The following GLI3 variants were observed in gnomAD, a reference collection of about 807,000 sequenced individuals.
GLI3 encodes the protein GLI family zinc finger 3.
GLI3 carries 20 observed loss-of-function variants against 100.8 expected under a neutral mutation model. The ratio of observed to expected loss-of-function variants is 0.20; its 90% CI spans 0.14 to 0.29. The LOEUF (loss-of-function observed/expected upper bound fraction) is 0.29, where lower values mean the gene tolerates loss of function less well. Among genes scored for constraint, GLI3 ranks in the 10% least tolerant of loss-of-function variants. The probability of loss-of-function intolerance (pLI) is 1.00; values close to 1 mark genes in which losing one functional copy is unlikely to be tolerated. For synonymous variants in GLI3, 938 were observed against 860.5 expected (o/e 1.09, Z -1.58); for missense variants, 2,040 against 2,128.5 (o/e 0.96, Z 0.82).
intron 3 of GLI3, chr7:42,118,410 G>A (rs28393797): frequency 0.064 from 25,485 of 397,836 alleles, 2,128 homozygotes; most frequent in African/African-American, 0.27. Context: ...CTAGAAAGTG[G>A]CAGTGCCATG....
At chr7:42,154,134 A>G (rs1786944641) in intron 2 of GLI3, among the ~76,000 whole-genome samples, 1 of 152,192 alleles carries the variant, frequency 6.6e-6, no homozygotes, top group Admixed American at 6.5e-5. Flanking sequence ...TATGCACAGA[A>G]AATTTCAAAA....
chr7:42,201,548 C>A (rs1310420472), intron 2 of GLI3, among the ~76,000 whole-genome samples: 1 of 152,128 alleles, frequency 6.6e-6, no homozygotes, highest in Non-Finnish European at 1.5e-5. Flanking sequence ...TACTGTCATG[C>A]AAGGATGGGA....
upstream of GLI3, among the ~76,000 whole-genome samples, chr7:42,238,620 T>G (rs1376460553): frequency 6.6e-6 from 1 of 152,238 alleles, no homozygotes; most frequent in African/African-American, 2.4e-5. Context: ...AGCTACAAAG[T>G]GTCTCTGTCC....
At chr7:42,046,920 T>C (rs1389551287) in intron 5 of GLI3, among the ~76,000 whole-genome samples, 2 of 151,696 alleles carry the variant, frequency 1.3e-5, no homozygotes, top group East Asian at 1.9e-4. Context: ...CTTTGGGAGG[T>C]AGAGGTGGGT....
intron 3 of GLI3, among the ~76,000 whole-genome samples, chr7:42,084,117 C>A (rs1451874933): frequency 6.6e-6 from 1 of 152,168 alleles, no homozygotes. Flanking sequence ...TTTATCATTT[C>A]TTTTGTGTAA....
At chr7:42,081,704 A>C (rs1281908594) in intron 3 of GLI3, among the ~76,000 whole-genome samples, 1 of 152,198 alleles carries the variant, frequency 6.6e-6, no homozygotes, top group African/African-American at 2.4e-5. Context: ...TCCTCAGGCT[A>C]TAAGATCTCT....
At position 42,048,386 on chromosome 7, in the gene GLI3, A is replaced by G. The variant is rs923502649; in HGVS notation, c.679+105T>C. On this transcript the variant is annotated intron_variant, in intron 5 of 14. Transcript: ENST00000395925. ...AGGCACAGAGCACAGCGCCTGGCAC[A>G]TGGGAAACACTCACTAAACATCAGG... The G allele has an allele frequency of 5.2e-5, 43 of 832,852 alleles. No homozygotes were observed. In the East Asian group the frequency reaches 1.0e-3, roughly 20 times the overall value. The allele number at this position is 832,852 out of a possible 1,614,324, so 51.6% of individuals were successfully genotyped here.
At chr7:42,045,564 G>C in intron 5 of GLI3, 34 bp from the exon 6 acceptor site, 3 of 1,608,800 alleles carry the variant, frequency 1.9e-6, no homozygotes, top group Middle Eastern at 1.7e-4. Context: ...GGTTACTAGC[G>C]AAAGAAGGTC....
intron 4 of GLI3, among the ~76,000 whole-genome samples, chr7:42,057,089 T>C (rs982723255): frequency 4.6e-5 from 7 of 152,258 alleles, no homozygotes; most frequent in African/African-American, 1.7e-4. Flanking sequence ...ATTCACTCTA[T>C]CCAAGCTAAC....
At chr7:42,167,627 G>A (rs184297557) in intron 2 of GLI3, among the ~76,000 whole-genome samples, 1 of 152,146 alleles carries the variant, frequency 6.6e-6, no homozygotes, top group Non-Finnish European at 1.5e-5. Context: ...AGAAATAAAC[G>A]TAACTCTGGC....
chr7:42,101,321 A>T (rs1461031023), intron 3 of GLI3, among the ~76,000 whole-genome samples: 1 of 151,984 alleles, frequency 6.6e-6, no homozygotes, highest in East Asian at 1.9e-4. Flanking sequence ...AAAATCCAGG[A>T]CTGGCGTGGT....
intron 13 of GLI3, among the ~76,000 whole-genome samples, chr7:41,969,384 A>C (rs1463143372): frequency 6.6e-6 from 1 of 152,222 alleles, no homozygotes; most frequent in African/African-American, 2.4e-5. Context: ...GCACAGTGCC[A>C]CCAGGAAGGG....
At chr7:42,056,753 C>A (rs549761286) in intron 4 of GLI3, among the ~76,000 whole-genome samples, 13 of 151,230 alleles carry the variant, frequency 8.6e-5, no homozygotes, top group Non-Finnish European at 1.5e-4. Context: ...GAGTTTGAGA[C>A]CAGTGTGACC....
chr7:42,181,374 G>A (rs1787588626), intron 2 of GLI3, among the ~76,000 whole-genome samples: 1 of 152,178 alleles, frequency 6.6e-6, no homozygotes, highest in Admixed American at 6.5e-5. Flanking sequence ...GATGAGGTGG[G>A]TGGATATCTT....
intron 2 of GLI3, among the ~76,000 whole-genome samples, chr7:42,171,026 A>G (rs1005566657): frequency 1.3e-5 from 2 of 152,182 alleles, no homozygotes; most frequent in African/African-American, 4.8e-5. Flanking sequence ...ACAATTGTGC[A>G]GTGTCCTCCA....
chr7:42,031,731 G>C (rs1166199282), intron 7 of GLI3, among the ~76,000 whole-genome samples: 3 of 152,210 alleles, frequency 2.0e-5, no homozygotes, highest in Non-Finnish European at 4.4e-5. Flanking sequence ...ATGGTCACTG[G>C]ATTGTTAGTT....
At chr7:42,252,688 A>T (rs958476202) in intron 1 of GLI3, among the ~76,000 whole-genome samples, 1 of 152,160 alleles carries the variant, frequency 6.6e-6, no homozygotes, top group Non-Finnish European at 1.5e-5. Context: ...ATTAAAGAAG[A>T]TACTAATATA....
At chr7:41,974,410 C>T (rs1284858503) in intron 12 of GLI3, among the ~76,000 whole-genome samples, 1 of 152,190 alleles carries the variant, frequency 6.6e-6, no homozygotes, top group Non-Finnish European at 1.5e-5. Context: ...CTTCACACAA[C>T]TTTTGCCCAC....
intron 3 of GLI3, chr7:42,113,459 C>T: frequency 1.3e-6 from 1 of 750,148 alleles, no homozygotes; most frequent in South Asian, 1.4e-5. Context: ...TCTGCTAAAC[C>T]TGCTCCTCCA....
Sources: gnomAD v4.1 joint callset for allele counts (sites outside exome capture counted in the v4.1 genomes callset) on GRCh38, gnomAD v4.1.1 for gene constraint, MANE v1.5 for transcripts, NCBI Gene and HGNC (gene_info 2026-07-23, HGNC 2026-07-21) for gene names.